EXOC6B: variants seen among roughly 807,000 people sequenced by gnomAD.
EXOC6B encodes exocyst complex component 6B.
In EXOC6B, 54 loss-of-function variants were observed where a neutral mutation model predicts 113.5. The ratio of observed to expected loss-of-function variants is 0.48; its 90% CI spans 0.38 to 0.60. The LOEUF is 0.60. EXOC6B is among the 20% of genes least tolerant of loss of function. The pLI is 0.00. For synonymous variants in EXOC6B, 357 were observed against 339.0 expected, an observed-to-expected ratio of 1.05 and a Z score of -0.58; for missense variants, 797 against 977.5, an observed-to-expected ratio of 0.82 and a Z score of 2.46.
Position 72,426,067 on chromosome 2 carries a change from T to C in EXOC6B, c.1980+39093A>G, listed in dbSNP as rs181317330. 9.6e-4 allele frequency among the ~76,000 whole-genome samples: 146 copies of C among 152,294 alleles called. 3 individuals are homozygous for C. The highest frequency in any genetic ancestry group is 3.4e-3 in the Middle Eastern group (1 of 294). ...ATTTCAGGGATAGCCCTTCCCTCTATATCAATAACATTTCCAAGTAGTTTT... is the reference window on the plus strand; with the variant it reads ...ATTTCAGGGATAGCCCTTCCCTCTACATCAATAACATTTCCAAGTAGTTTT... On this transcript the variant is annotated intron_variant, in intron 18 of 21. Transcript: ENST00000272427.
intron 8 of EXOC6B, among the ~76,000 whole-genome samples, chr2:72,516,112 T>C (rs189971069): frequency 9.2e-5 from 14 of 152,322 alleles, no homozygotes; most frequent in African/African-American, 3.4e-4. Context: ...CCTCCAAAAC[T>C]GGGATAGAAT....
At chr2:72,502,605 A>G (rs1161149144) in intron 11 of EXOC6B, among the ~76,000 whole-genome samples, 1 of 152,322 alleles carries the variant, frequency 6.6e-6, no homozygotes, top group South Asian at 2.1e-4. Context: ...GAATCCTCAC[A>G]TATTTAAAAA....
chr2:72,543,262 T>C (rs891572446), intron 8 of EXOC6B, among the ~76,000 whole-genome samples: 1 of 152,178 alleles, frequency 6.6e-6, no homozygotes, highest in Non-Finnish European at 1.5e-5. Flanking sequence ...ACTTAATTTA[T>C]TCTGAGAAAA....
chr2:72,379,690 T>C lies in EXOC6B; in HGVS notation c.2122+39A>G, dbSNP rs1237208824. The stretch of plus-strand genomic sequence containing the variant: ...TTTCCCCTGACAGAAATGAGTTTGC[T>C]GGTAAGATAAACAAGCACAGGGATG... On this transcript the variant is annotated intron_variant, in intron 19 of 21. Coordinates refer to ENST00000272427, the MANE Select transcript of EXOC6B (RefSeq NM_015189.3). 8 of 1,551,636 alleles carry C rather than the reference T, an allele frequency of 5.2e-6. No individual in the cohort carries two copies. The South Asian group carries it at 9.9e-5, about 19-fold the overall frequency.
chr2:72,183,975 T>C, intron 21 of EXOC6B, 100 bp downstream of exon 21: 1 of 639,256 alleles, frequency 1.6e-6, no homozygotes, highest in Non-Finnish European at 2.8e-6. Flanking sequence ...AGAACAAGGC[T>C]ATCTTTCAAG....
intron 7 of EXOC6B, among the ~76,000 whole-genome samples, chr2:72,565,403 G>A (rs894766764): frequency 2.2e-5 from 3 of 136,684 alleles, no homozygotes; most frequent in Admixed American, 7.2e-5. Flanking sequence ...AAAAATTCAA[G>A]TGGTCTTTAT....
At position 72,451,841 on chromosome 2, in the gene EXOC6B, G is replaced by A. The variant is rs575541628; in HGVS notation, c.1980+13319C>T. ...AGTACGTACTGTGATTTCCAACATT[G>A]TGTGTTATTTGTTTGGAGAAGTTCA... On this transcript the variant is annotated intron_variant, in intron 18 of 21. Coordinates refer to ENST00000272427, the MANE Select transcript of EXOC6B (RefSeq NM_015189.3). 3.0e-4 allele frequency among the ~76,000 whole-genome samples: 46 copies of A among 152,226 alleles called. No individual in the cohort carries two copies. In the South Asian group the frequency reaches 9.5e-3, roughly 32 times the overall value.
intron 1 of EXOC6B, among the ~76,000 whole-genome samples, chr2:72,798,423 A>C (rs970633247): frequency 6.6e-6 from 1 of 152,194 alleles, no homozygotes; most frequent in Non-Finnish European, 1.5e-5. Flanking sequence ...CTGATCTGTA[A>C]CATACTGGCC....
At chr2:72,783,202 T>C (rs1684162022) in intron 1 of EXOC6B, among the ~76,000 whole-genome samples, 1 of 151,394 alleles carries the variant, frequency 6.6e-6, no homozygotes, top group Admixed American at 6.6e-5. Context: ...TTTTTTTGTC[T>C]TTTTAATAAT....
chr2:72,673,360 C>G (rs2104510652), intron 6 of EXOC6B, among the ~76,000 whole-genome samples: 1 of 152,312 alleles, frequency 6.6e-6, no homozygotes, highest in East Asian at 1.9e-4. Flanking sequence ...TGACAATAAC[C>G]TGCCCAGCCG....
intron 6 of EXOC6B, among the ~76,000 whole-genome samples, chr2:72,607,408 C>G (rs985557897): frequency 6.6e-6 from 1 of 152,128 alleles, no homozygotes. Flanking sequence ...GCCAAATAAA[C>G]CTCTTTTCTT....
At chr2:72,539,923 A>C (rs927622281) in intron 8 of EXOC6B, among the ~76,000 whole-genome samples, 2 of 146,432 alleles carry the variant, frequency 1.4e-5, no homozygotes, top group African/African-American at 5.0e-5. Flanking sequence ...CATTAGGTAT[A>C]TCTCCTAATG....
intron 20 of EXOC6B, among the ~76,000 whole-genome samples, chr2:72,315,039 T>C (rs1253966269): frequency 6.6e-6 from 1 of 152,142 alleles, no homozygotes; most frequent in Non-Finnish European, 1.5e-5. Flanking sequence ...GGGAAGAGAA[T>C]AGAATTTTGC....
intron 13 of EXOC6B, among the ~76,000 whole-genome samples, chr2:72,496,951 T>C (rs1370705593): frequency 6.3e-5 from 2 of 31,742 alleles, no homozygotes; most frequent in African/African-American, 8.5e-4. Flanking sequence ...AAATGTACAT[T>C]ATTATTATTA....
intron 19 of EXOC6B, among the ~76,000 whole-genome samples, chr2:72,359,011 T>C (rs1358505966): frequency 1.3e-5 from 2 of 152,208 alleles, no homozygotes; most frequent in Non-Finnish European, 2.9e-5. Context: ...TGGCGGGCAC[T>C]ATGCTAAGTC....
Position 72,476,812 on chromosome 2 carries a change from G to A in EXOC6B, c.1800+3804C>T, listed in dbSNP as rs115600982. Among the ~76,000 whole-genome samples, 417 of 152,006 alleles carry A rather than the reference G, an allele frequency of 2.7e-3. 1 individual carries two copies. The highest frequency in any genetic ancestry group is 4.6e-3 in the Non-Finnish European group (315 of 67,986). The stretch of plus-strand genomic sequence containing the variant: ...TCTCAGGTTGGTATTTATCTACTTC[G>A]GTATCTCACTGCCATCCTAATTCTA... On this transcript the variant is annotated intron_variant, in intron 17 of 21. Transcript: ENST00000272427.
chr2:72,641,734 C>G (rs1673256252), intron 6 of EXOC6B, among the ~76,000 whole-genome samples: 1 of 152,244 alleles, frequency 6.6e-6, no homozygotes, highest in African/African-American at 2.4e-5. Flanking sequence ...AGTGTCTGAG[C>G]CCTGAGAACA....
intron 6 of EXOC6B, among the ~76,000 whole-genome samples, chr2:72,692,584 C>T (rs1386161742): frequency 6.6e-6 from 1 of 152,136 alleles, no homozygotes; most frequent in Non-Finnish European, 1.5e-5. Context: ...ATCTCCTGAC[C>T]TCGTGATCCA....
chr2:72,765,749 G>A (rs1403569363), intron 1 of EXOC6B, among the ~76,000 whole-genome samples: 1 of 152,148 alleles, frequency 6.6e-6, no homozygotes, highest in African/African-American at 2.4e-5. Context: ...CTGGAGAAGA[G>A]GGGAATAGTA....
Sources: allele counts gnomAD v4.1 joint callset (sites outside exome capture counted in the v4.1 genomes callset), GRCh38; gene constraint gnomAD v4.1.1; transcripts MANE v1.5; gene names NCBI Gene and HGNC (gene_info 2026-07-23, HGNC 2026-07-21).